The following DDX6 variants were observed in gnomAD, a reference collection of about 807,000 sequenced individuals.
The protein encoded by DDX6 is DEAD-box helicase 6.
DDX6 carries 7 observed loss-of-function variants against 60.6 expected under a neutral mutation model. The ratio of observed to expected loss-of-function variants is 0.12; its 90% CI spans 0.07 to 0.22. DDX6 has a LOEUF of 0.22. DDX6 is among the 10% of genes least tolerant of loss of function. DDX6 has a pLI of 1.00. For synonymous variants in DDX6, 207 were observed against 201.0 expected (o/e 1.03, Z -0.25); for missense variants, 270 against 589.9 (o/e 0.46, Z 5.62).
At position 118,779,737 on chromosome 11, in the gene DDX6, C is replaced by A; in HGVS notation, c.265-1G>T. 1 of 1,591,948 alleles carries A rather than the reference C, an allele frequency of 6.3e-7. No individual in the cohort carries two copies. Among genetic ancestry groups the A allele is most frequent in the South Asian group, 1.1e-5 (1 of 87,966 alleles). On this transcript the variant is annotated splice_acceptor_variant, in intron 3 of 13. Transcript: ENST00000534980. LOFTEE classifies it high-confidence loss of function. Reference sequence around the variant, plus strand: ...CATTTCCTTTTGTGGAGGTCACATCCTAGTCAAACAAAAAGGAACAATAAA... The same window carrying A: ...CATTTCCTTTTGTGGAGGTCACATCATAGTCAAACAAAAAGGAACAATAAA...
Position 118,750,496 on chromosome 11 carries a change from CAA to C in DDX6, c.*1607_*1608del, listed in dbSNP as rs1349671993. 2.6e-5 allele frequency: 4 copies of C among 152,124 alleles called. No homozygotes were observed. The highest frequency in any genetic ancestry group is 7.2e-5 in the African/African-American group (3 of 41,410). The allele number at this position is 152,124 out of a possible 1,614,324, so 9.4% of individuals were successfully genotyped here. A position where few individuals can be genotyped will look rare whatever the true frequency, so the allele number is the denominator to read the frequency against. ...ACAGCTCTCAGGTTGCCCATTCCTGCAAAAGTTTATGTATCAAAGCGGGCAGA... is the reference window on the plus strand; with the variant it reads ...ACAGCTCTCAGGTTGCCCATTCCTGCAAGTTTATGTATCAAAGCGGGCAGA... On this transcript the variant is annotated 3_prime_UTR_variant, in exon 14 of 14. Coordinates refer to ENST00000534980, the MANE Select transcript of DDX6 (RefSeq NM_004397.6).
At chr11:118,783,291 C>A (rs1227958050) in intron 2 of DDX6, among the ~76,000 whole-genome samples, 2 of 151,952 alleles carry the variant, frequency 1.3e-5, no homozygotes, top group Admixed American at 6.6e-5. Context: ...TTTTTTATTT[C>A]TTTGAGATGG....
At chr11:118,753,447 C>T (rs570178659) in intron 13 of DDX6, among the ~76,000 whole-genome samples, 1 of 147,574 alleles carries the variant, frequency 6.8e-6, no homozygotes, top group Non-Finnish European at 1.5e-5. Flanking sequence ...TCAAGTGATT[C>T]GCCTGCCTCA....
chr11:118,766,772 A>T (rs10892284), intron 5 of DDX6, among the ~76,000 whole-genome samples: 151,921 of 151,926 alleles, frequency 1, 75,958 homozygotes, highest in Middle Eastern at 1. Flanking sequence ...AGAGACGGGG[A>T]TTCATCATGT....
intron 2 of DDX6, chr11:118,785,713 C>CT (rs1738873388): frequency 5.7e-6 from 1 of 174,318 alleles, no homozygotes; most frequent in Admixed American, 6.2e-5. Flanking sequence ...CGTAAAAAAA[C>CT]TATACTGACA....
chr11:118,778,331 G>A (rs1861773983), intron 4 of DDX6, among the ~76,000 whole-genome samples: 2 of 152,184 alleles, frequency 1.3e-5, no homozygotes, highest in South Asian at 2.1e-4. Flanking sequence ...CTTTGGCTAA[G>A]TCAAGTTTCT....
intron 2 of DDX6, among the ~76,000 whole-genome samples, chr11:118,781,821 G>A (rs1291663234): frequency 6.7e-6 from 1 of 148,656 alleles, no homozygotes; most frequent in African/African-American, 2.5e-5. Context: ...CCAGCTACTC[G>A]GGAGGCTGAG....
At chr11:118,766,693 A>G (rs1408656527) in intron 5 of DDX6, among the ~76,000 whole-genome samples, 1 of 152,014 alleles carries the variant, frequency 6.6e-6, no homozygotes, top group Non-Finnish European at 1.5e-5. Flanking sequence ...TCCCAGGTTC[A>G]AGCAATTCTC....
rs562777474 is a variant in DDX6, at chr11:118,779,975, G to A, written c.265-239C>T. On this transcript the variant is annotated intron_variant, in intron 3 of 13. Transcript: ENST00000534980. The stretch of plus-strand genomic sequence containing the variant: ...CACGAAAAATACAAAAAATTAGCCA[G>A]GGTGGTGGTGCACGCCTGTAGTCGC... 2.0e-5 allele frequency among the ~76,000 whole-genome samples: 3 copies of A among 151,986 alleles called. No homozygotes were observed. The East Asian group carries it at 5.8e-4, about 29-fold the overall frequency.
At chr11:118,752,676 A>G (rs1048668371) in intron 13 of DDX6, among the ~76,000 whole-genome samples, 11 of 152,230 alleles carry the variant, frequency 7.2e-5, no homozygotes, top group African/African-American at 2.4e-4. Flanking sequence ...ATGTTCACCT[A>G]TAACTTGGAA....
In DDX6 at chr11:118,786,405, G is replaced by C. The variant is rs1222688600; in HGVS notation, c.-154C>G. 1 of 550,484 alleles carries C rather than the reference G, an allele frequency of 1.8e-6. No homozygotes were observed. Among genetic ancestry groups the C allele is most frequent in the Non-Finnish European group, 3.0e-6 (1 of 328,330 alleles). The allele number at this position is 550,484 out of a possible 1,614,324, so 34.1% of individuals were successfully genotyped here. ...TTTATTGCAATGCAGGCAAGCACCT[G>C]TAAGTCTCTGAACGGTAAGCAGCAG... On this transcript the variant is annotated 5_prime_UTR_variant, in exon 2 of 14. Coordinates refer to ENST00000534980, the MANE Select transcript of DDX6 (RefSeq NM_004397.6).
At chr11:118,764,693 A>C (rs1861289747) in intron 6 of DDX6, among the ~76,000 whole-genome samples, 1 of 151,830 alleles carries the variant, frequency 6.6e-6, no homozygotes, top group Admixed American at 6.6e-5. Context: ...AATCCCAGCT[A>C]TTCAGGAGAC....
intron 4 of DDX6, 122 bp downstream of exon 4, chr11:118,779,510 G>C (rs1565576410): frequency 1.7e-6 from 1 of 594,604 alleles, no homozygotes; most frequent in Non-Finnish European, 2.9e-6. Flanking sequence ...AAAAATTTCA[G>C]AAAAAGTGTG....
At chr11:118,755,004 T>TA in intron 12 of DDX6, 117 bp from the exon 13 acceptor site, 2 of 950,952 alleles carry the variant, frequency 2.1e-6, no homozygotes, top group Middle Eastern at 3.3e-4. Flanking sequence ...GTGCCATTCT[T>TA]AGTATGCAAA....
chr11:118,761,395 T>C (rs1390931532), intron 7 of DDX6, among the ~76,000 whole-genome samples: 1 of 152,212 alleles, frequency 6.6e-6, no homozygotes, highest in African/African-American at 2.4e-5. Flanking sequence ...GGTGGGCAGA[T>C]CACTTGAGGT....
At chr11:118,762,623 T>C (rs1861214383) in intron 7 of DDX6, among the ~76,000 whole-genome samples, 1 of 152,182 alleles carries the variant, frequency 6.6e-6, no homozygotes, top group African/African-American at 2.4e-5. Flanking sequence ...TCATATAGCA[T>C]ATTACTAACC....
At chr11:118,768,683 GACAAA>G (rs552579442) in intron 4 of DDX6, among the ~76,000 whole-genome samples, 87 of 152,148 alleles carry the variant, frequency 5.7e-4, no homozygotes, top group Admixed American at 3.3e-3. Context: ...TGAAAATACA[GACAAA>G]ACAAAAGCAA....
chr11:118,770,255 T>G (rs1437146195), intron 4 of DDX6, among the ~76,000 whole-genome samples: 1 of 151,594 alleles, frequency 6.6e-6, no homozygotes, highest in African/African-American at 2.4e-5. Context: ...CTTGAACTCA[T>G]GACCTCAGAT....
At chr11:118,758,349 A>G (rs1861047171) in intron 9 of DDX6, among the ~76,000 whole-genome samples, 1 of 152,114 alleles carries the variant, frequency 6.6e-6, no homozygotes, top group Non-Finnish European at 1.5e-5. Flanking sequence ...GCCTTTTAGG[A>G]AACACTATGA....
Sources: allele counts gnomAD v4.1 joint callset (sites outside exome capture counted in the v4.1 genomes callset), GRCh38; gene constraint gnomAD v4.1.1; transcripts MANE v1.5; gene names NCBI Gene and HGNC (gene_info 2026-07-23, HGNC 2026-07-21).